KY: variants seen among roughly 807,000 people sequenced by gnomAD.
KY encodes kyphoscoliosis peptidase.
In KY, 43 loss-of-function variants were observed where a neutral mutation model predicts 76.1. The ratio of observed to expected loss-of-function variants is 0.57; its 90% CI spans 0.44 to 0.73. KY has a LOEUF of 0.73. KY is among the 30% of genes least tolerant of loss of function. KY has a pLI of 0.00. For synonymous variants in KY, 277 were observed against 326.2 expected, an observed-to-expected ratio of 0.85 and a Z score of 1.63; for missense variants, 722 against 828.9, an observed-to-expected ratio of 0.87 and a Z score of 1.58.
chr3:134,636,751 T>G (rs1028292945), intron 3 of KY, among the ~76,000 whole-genome samples: 1 of 152,242 alleles, frequency 6.6e-6, no homozygotes, highest in East Asian at 1.9e-4. Flanking sequence ...CAAAAATAGA[T>G]CACATATTCA....
At chr3:134,627,921 T>C in intron 4 of KY, 103 bp from the exon 5 acceptor site, 1 of 833,288 alleles carries the variant, frequency 1.2e-6, no homozygotes, top group South Asian at 1.4e-5. Flanking sequence ...ACCCCTCCTC[T>C]TTACTCTCCT....
rs751530495 is a variant in KY at position 134,629,665 on chromosome 3, C to T, written c.293G>A (p.Arg98Gln). 37 of 1,598,830 alleles carry T rather than the reference C, an allele frequency of 2.3e-5. No homozygotes were observed. The highest frequency in any genetic ancestry group is 5.2e-5 in the Admixed American group (3 of 57,886). ...GTQLTVEVHP[R>Q]DAMPQLLKKF... is the part of the protein sequence containing the mutation. Reference sequence around the variant, plus strand: ...CTTGAGCAGCTGGGGCATGGCATCTCGAGGGTGGACTTCCACAGTCAGTTG... The same window carrying T: ...CTTGAGCAGCTGGGGCATGGCATCTTGAGGGTGGACTTCCACAGTCAGTTG... The change falls in exon 4 of 11, where the codon CGA becomes CAA. Residue 98 changes from arginine (R) to glutamine (Q), a missense_variant. Arg to Gln is a conservative substitution (Grantham distance 43). Transcript: ENST00000423778.
At chr3:134,638,701 T>A (rs1222502852) in intron 3 of KY, among the ~76,000 whole-genome samples, 1 of 152,260 alleles carries the variant, frequency 6.6e-6, no homozygotes, top group Non-Finnish European at 1.5e-5. Context: ...AATGTCCACA[T>A]GCTTACTGCC....
chr3:134,605,705 T>A (rs976679954), intron 10 of KY, among the ~76,000 whole-genome samples: 6 of 149,378 alleles, frequency 4.0e-5, no homozygotes, highest in African/African-American at 1.2e-4. Flanking sequence ...GCCGGTCAGC[T>A]CTCTGGCACT....
chr3:134,605,859 C>T (rs930653465), intron 10 of KY, among the ~76,000 whole-genome samples: 3 of 152,128 alleles, frequency 2.0e-5, no homozygotes, highest in African/African-American at 7.2e-5. Context: ...GAGGACTGGC[C>T]CTCATCCCAC....
At chr3:134,610,525 T>C in intron 8 of KY, 142 bp from the exon 9 acceptor site, 1 of 696,814 alleles carries the variant, frequency 1.4e-6, no homozygotes. Flanking sequence ...TACTCACATA[T>C]AAACAGCCTT....
At chr3:134,616,880 A>T (rs1342901513) in intron 8 of KY, among the ~76,000 whole-genome samples, 3 of 152,212 alleles carry the variant, frequency 2.0e-5, no homozygotes, top group African/African-American at 7.2e-5. Flanking sequence ...GTAACCCCCA[A>T]ACTGCAGTCT....
intron 4 of KY, among the ~76,000 whole-genome samples, chr3:134,628,340 G>C (rs2107893872): frequency 6.6e-6 from 1 of 152,310 alleles, no homozygotes; most frequent in African/African-American, 2.4e-5. Flanking sequence ...CGTAAAGGCA[G>C]AATTGTAGCC....
chr3:134,643,268 TG>T lies in KY; in HGVS notation c.262+47del, dbSNP rs761173581. On this transcript the variant is annotated intron_variant, in intron 3 of 10. Transcript: ENST00000423778. ...CTGTCGCTGGCCAGAGCATCAGGTC[TG>T]GGCACACCTCTGCAGGGGAGGTCAC... 5.0e-6 allele frequency: 8 copies of T among 1,588,862 alleles called. No homozygotes were observed. The African/African-American group carries it at 1.1e-4, about 21-fold the overall frequency.
chr3:134,607,007 A>G, intron 10 of KY: 1 of 984,772 alleles, frequency 1.0e-6, no homozygotes, highest in Non-Finnish European at 1.2e-6. Flanking sequence ...AGTATCAGAT[A>G]TATGGAATCA....
chr3:134,632,072 C>A (rs542118199), intron 3 of KY, among the ~76,000 whole-genome samples: 4 of 151,948 alleles, frequency 2.6e-5, no homozygotes, highest in Admixed American at 6.6e-5. Flanking sequence ...GACATAACAA[C>A]CTTCAATAGG....
At position 134,640,170 on chromosome 3, in the gene KY, C is replaced by T. The variant is rs865795170; in HGVS notation, c.262+3146G>A. On this transcript the variant is annotated intron_variant, in intron 3 of 10. Coordinates refer to ENST00000423778, the MANE Select transcript of KY (RefSeq NM_178554.6). Reference sequence around the variant, plus strand: ...GAGGAGAGAAAATGTTGAACCATTCCGAGCAATGAGTTCAGACTGAAATCT... The same window carrying T: ...GAGGAGAGAAAATGTTGAACCATTCTGAGCAATGAGTTCAGACTGAAATCT... 4.7e-5 allele frequency among the ~76,000 whole-genome samples: 7 copies of T among 149,920 alleles called. No individual in the cohort carries two copies. The South Asian group carries it at 1.1e-3, about 23-fold the overall frequency.
intron 1 of KY, among the ~76,000 whole-genome samples, chr3:134,649,902 A>G (rs1447063134): frequency 6.6e-6 from 1 of 152,166 alleles, no homozygotes; most frequent in Non-Finnish European, 1.5e-5. Context: ...GCTGGAGGGG[A>G]GGAGAGAGGC....
chr3:134,622,233 G>C (rs1962754750), intron 6 of KY, among the ~76,000 whole-genome samples: 1 of 152,144 alleles, frequency 6.6e-6, no homozygotes, highest in African/African-American at 2.4e-5. Flanking sequence ...AAAAACCGAA[G>C]GCAGAGACTC....
chr3:134,613,400 A>C (rs1462291966), intron 8 of KY, among the ~76,000 whole-genome samples: 1 of 152,220 alleles, frequency 6.6e-6, no homozygotes. Context: ...AGCCTGCCCC[A>C]GCCCTGGAAA....
Position 134,604,190 on chromosome 3 carries a change from C to T in KY, c.1375G>A (p.Glu459Lys). 2 of 1,611,616 alleles carry T rather than the reference C, an allele frequency of 1.2e-6. No homozygotes were observed. Among genetic ancestry groups the T allele is most frequent in the East Asian group, 2.2e-5 (1 of 44,800 alleles). The change falls in exon 11 of 11, where the codon GAG becomes AAG. Residue 459 changes from glutamate (E) to lysine (K), a missense_variant. By Grantham distance (56) the Glu-to-Lys change is moderately conservative. This residue lies in a region of KY where 552 missense variants were observed against 680.9 expected (regional missense o/e 0.81). Coordinates refer to ENST00000423778, the MANE Select transcript of KY (RefSeq NM_178554.6). ...HQPVGPSWFSEQMGIMKPSHP... is the reference protein window; with the variant it reads ...HQPVGPSWFSKQMGIMKPSHP... ...GAGGGCTTCATGATGCCCATCTGCT[C>T]CGAGAACCAGCTGGGGCCCACGGGC...
At chr3:134,637,876 G>A (rs928681120) in intron 3 of KY, among the ~76,000 whole-genome samples, 20 of 152,252 alleles carry the variant, frequency 1.3e-4, no homozygotes, top group African/African-American at 4.6e-4. Flanking sequence ...CCAGGGCAGG[G>A]TGTTGAGGTG....
At chr3:134,644,047 G>C (rs928773529) in intron 2 of KY, among the ~76,000 whole-genome samples, 2 of 152,032 alleles carry the variant, frequency 1.3e-5, no homozygotes, top group African/African-American at 2.4e-5. Context: ...GGATGGTCTC[G>C]ATCTCCTGAC....
chr3:134,615,994 G>A (rs1022689577), intron 8 of KY, among the ~76,000 whole-genome samples: 4 of 152,204 alleles, frequency 2.6e-5, no homozygotes, highest in African/African-American at 9.7e-5. Flanking sequence ...TTTATCCAAC[G>A]TCTCTGAAAC....
Sources: gnomAD v4.1 joint callset for allele counts (sites outside exome capture counted in the v4.1 genomes callset) on GRCh38, gnomAD v4.1.1 for gene constraint, gnomAD v4.1.1 regional missense constraint, MANE v1.5 for transcripts, NCBI Gene and HGNC (gene_info 2026-07-23, HGNC 2026-07-21) for gene names.